The following ASXL3 variants were observed in gnomAD, a reference collection of about 807,000 sequenced individuals.
ASXL3 encodes the protein ASXL transcriptional regulator 3, also known as putative Polycomb group protein ASXL3.
ASXL3 carries 34 observed loss-of-function variants against 170.6 expected under a neutral mutation model. That is an observed-to-expected ratio of 0.20 (90% CI 0.15 to 0.27). The LOEUF is 0.27. Ranked by LOEUF, ASXL3 falls within the 10% of genes least tolerant of loss-of-function variation. ASXL3 has a pLI of 1.00. For missense variants in ASXL3, 2,592 were observed against 2,695.3 expected, an observed-to-expected ratio of 0.96 and a Z score of 0.85; for synonymous variants, 1,002 against 989.1, an observed-to-expected ratio of 1.01 and a Z score of -0.24.
Position 33,739,254 on chromosome 18 carries a change from G to C in ASXL3, c.1850G>C (p.Ser617Thr). Residue 617 changes from serine (S) to threonine (T), a missense_variant, in exon 11 of 12, where the codon AGC (serine) becomes ACC (threonine). This residue lies in a region of ASXL3 where 2,246 missense variants were observed against 2,219.6 expected (regional missense o/e 1.01). Transcript: ENST00000269197. The stretch of plus-strand genomic sequence containing the variant: ...TCTGAAACGTCCTTTTCTTCTGAGA[G>C]CCCAGAGGGAGCCTGTACCAGCCTG... ...CISETSFSSE[S>T]PEGACTSLPS... 1 of 1,613,786 alleles carries C rather than the reference G, an allele frequency of 6.2e-7. No individual in the cohort carries two copies. Among genetic ancestry groups the C allele is most frequent in the Non-Finnish European group, 8.5e-7 (1 of 1,179,828 alleles).
In ASXL3 at chr18:33,692,446, A is replaced by G. The variant is rs191895204; in HGVS notation, c.879+8878A>G. 3.2e-3 allele frequency among the ~76,000 whole-genome samples: 480 copies of G among 152,220 alleles called. 4 individuals carry two copies. The highest frequency in any genetic ancestry group is 0.011 in the African/African-American group (451 of 41,534). ...CTTCTGTGCTTCCTACTATCTCTGC[A>G]GGGATGCTTTCCTGACAGGGATGCT... is the stretch of plus-strand genomic sequence containing the variant. On this transcript the variant is annotated intron_variant, in intron 8 of 11. Coordinates refer to ENST00000269197, the MANE Select transcript of ASXL3 (RefSeq NM_030632.3).
At position 33,744,489 on chromosome 18, in the gene ASXL3, A is replaced by C. The variant is rs2067732329; in HGVS notation, c.4641A>C (p.Gln1547His). 6.2e-7 allele frequency: 1 copy of C among 1,612,916 alleles called. No individual in the cohort carries two copies. Among genetic ancestry groups the C allele is most frequent in the South Asian group, 1.1e-5 (1 of 91,020 alleles). The change falls in exon 12 of 12, where the codon CAA becomes CAC. Residue 1547 changes from glutamine to histidine, a missense_variant. This residue lies in a region of ASXL3 where 2,246 missense variants were observed against 2,219.6 expected (regional missense o/e 1.01). Transcript: ENST00000269197. ...STFIAASAAK[Q>H]DSKTLPATCT... ...TCATTGCTGCTTCGGCAGCAAAACA[A>C]GACAGTAAAACATTGCCGGCCACCT...
At chr18:33,601,074 G>A (rs1230076337) in intron 1 of ASXL3, among the ~76,000 whole-genome samples, 1 of 152,134 alleles carries the variant, frequency 6.6e-6, no homozygotes, top group African/African-American at 2.4e-5. Context: ...AGGCTTTCCT[G>A]TGCCTCATTG....
intron 2 of ASXL3, among the ~76,000 whole-genome samples, chr18:33,632,733 G>A (rs910244402): frequency 5.3e-5 from 8 of 152,076 alleles, no homozygotes; most frequent in African/African-American, 1.7e-4. Flanking sequence ...GTTCTCTGGC[G>A]AAGCTTGCTC....
At chr18:33,601,990 C>T (rs113732814) in intron 1 of ASXL3, among the ~76,000 whole-genome samples, 2 of 151,436 alleles carry the variant, frequency 1.3e-5, no homozygotes, top group African/African-American at 4.9e-5. Flanking sequence ...TTTTTAGAGA[C>T]AGGGTCTCAC....
At chr18:33,627,761 T>A (rs935287183) in intron 2 of ASXL3, among the ~76,000 whole-genome samples, 69 of 152,188 alleles carry the variant, frequency 4.5e-4, no homozygotes, top group Non-Finnish European at 3.1e-4. Context: ...TACTTTGCCT[T>A]AAACTGCTCA....
intron 2 of ASXL3, among the ~76,000 whole-genome samples, chr18:33,609,950 T>C (rs2065309136): frequency 1.3e-5 from 2 of 152,010 alleles, no homozygotes; most frequent in Non-Finnish European, 2.9e-5. Context: ...TGGTAATCCA[T>C]TACTTATGGC....
intron 2 of ASXL3, among the ~76,000 whole-genome samples, chr18:33,617,352 G>A (rs2065441655): frequency 1.3e-5 from 2 of 152,050 alleles, no homozygotes; most frequent in South Asian, 4.1e-4. Context: ...TTTGCATGAA[G>A]TGGTGGCCTG....
At chr18:33,628,574 A>C (rs1335300410) in intron 2 of ASXL3, among the ~76,000 whole-genome samples, 3 of 152,146 alleles carry the variant, frequency 2.0e-5, no homozygotes, top group Admixed American at 6.6e-5. Context: ...CTCTATGCTG[A>C]AAATGAAGTA....
rs749918007 is a variant in ASXL3, at chr18:33,744,386, C to G, written c.4538C>G (p.Pro1513Arg). ...RPVRTEASVQ[P>R]VACPQVSVIS... ...GTGAGGACAGAGGCATCCGTACAGC[C>G]CGTGGCGTGTCCTCAGGTGTCTGTG... Residue 1513 changes from proline to arginine, a missense_variant, in exon 12 of 12, where the codon CCC becomes CGC. Around this residue, in one of 4 missense-constraint regions of ASXL3, gnomAD observed 2,246 missense variants for 2,219.6 expected, o/e 1.01. Coordinates refer to ENST00000269197, the MANE Select transcript of ASXL3 (RefSeq NM_030632.3). 80 of 1,613,736 alleles carry G rather than the reference C, an allele frequency of 5.0e-5. No individual in the cohort carries two copies. Among genetic ancestry groups the G allele is most frequent in the Middle Eastern group, 4.9e-4 (3 of 6,084 alleles).
chr18:33,730,240 A>G (rs1391380074), intron 8 of ASXL3, among the ~76,000 whole-genome samples: 2 of 152,114 alleles, frequency 1.3e-5, no homozygotes, highest in Admixed American at 6.5e-5. Context: ...ACATGCCCCC[A>G]CTAAAAAGAA....
At chr18:33,643,553 A>G (rs2065876400) in intron 2 of ASXL3, among the ~76,000 whole-genome samples, 1 of 151,872 alleles carries the variant, frequency 6.6e-6, no homozygotes, top group Non-Finnish European at 1.5e-5. Context: ...GCTGCTTCCT[A>G]AAATAATTGT....
intron 1 of ASXL3, among the ~76,000 whole-genome samples, chr18:33,603,858 G>C (rs1218670183): frequency 1.3e-5 from 2 of 152,028 alleles, no homozygotes; most frequent in Non-Finnish European, 2.9e-5. Flanking sequence ...TACAAAGAAA[G>C]AAAGGACATT....
intron 1 of ASXL3, among the ~76,000 whole-genome samples, chr18:33,599,550 G>A (rs529552726): frequency 6.6e-6 from 1 of 152,228 alleles, no homozygotes; most frequent in Admixed American, 6.5e-5. Context: ...TAAAATAAGG[G>A]AAACCGAGCA....
intron 8 of ASXL3, among the ~76,000 whole-genome samples, chr18:33,720,005 A>G (rs1487319579): frequency 1.3e-5 from 2 of 152,040 alleles, no homozygotes; most frequent in African/African-American, 2.4e-5. Flanking sequence ...TATCGTTTTT[A>G]TGGAAGAAGA....
chr18:33,648,957 G>T (rs1209604780), intron 4 of ASXL3, among the ~76,000 whole-genome samples: 2 of 152,050 alleles, frequency 1.3e-5, no homozygotes, highest in Non-Finnish European at 2.9e-5. Flanking sequence ...GGTAATTTTT[G>T]TGGAATGGTA....
rs1222299889 is a variant in ASXL3, at chr18:33,750,339, GCA to G, written c.*3747_*3748del. 6.6e-6 allele frequency: 1 copy of G among 152,128 alleles called. No individual in the cohort carries two copies. The highest frequency in any genetic ancestry group is 1.5e-5 in the Non-Finnish European group (1 of 68,012). 9.4% of individuals were successfully genotyped at this position (152,128 alleles called of 1,614,324 possible). ...AATTTAAAGGAGCTGCTTTTTTATAGCACATACTATTTCGCTTTGTACTATAT... is the reference window on the plus strand; with the variant it reads ...AATTTAAAGGAGCTGCTTTTTTATAGCATACTATTTCGCTTTGTACTATAT... On this transcript the variant is annotated 3_prime_UTR_variant, in exon 12 of 12. Coordinates refer to ENST00000269197, the MANE Select transcript of ASXL3 (RefSeq NM_030632.3).
intron 1 of ASXL3, among the ~76,000 whole-genome samples, chr18:33,602,198 G>A (rs2065190802): frequency 6.6e-6 from 1 of 151,904 alleles, no homozygotes; most frequent in Non-Finnish European, 1.5e-5. Context: ...TATCTGAGGT[G>A]GAAGTTTCAT....
chr18:33,670,065 G>T (rs897013113), intron 5 of ASXL3, among the ~76,000 whole-genome samples: 2 of 152,092 alleles, frequency 1.3e-5, no homozygotes, highest in African/African-American at 4.8e-5. Flanking sequence ...GAAGGTTAAT[G>T]CCCAAAGTCA....
Sources: gnomAD v4.1 joint callset for allele counts (sites outside exome capture counted in the v4.1 genomes callset) on GRCh38, gnomAD v4.1.1 for gene constraint, gnomAD v4.1.1 regional missense constraint, MANE v1.5 for transcripts, NCBI Gene and HGNC (gene_info 2026-07-23, HGNC 2026-07-21) for gene names.